MS4A18: variants seen among roughly 807,000 people sequenced by gnomAD.
The protein encoded by MS4A18 is membrane-spanning 4-domains subfamily A member 18.
MS4A18 carries 27 observed loss-of-function variants against 13.1 expected under a neutral mutation model. The ratio of observed to expected loss-of-function variants is 2.06; its 90% confidence interval spans 1.52 to 2.84. The LOEUF (loss-of-function observed/expected upper bound fraction) is 2.84. Ranked by LOEUF, MS4A18 falls within the 30% of genes most tolerant of loss-of-function variation. The probability of loss-of-function intolerance (pLI) is 0.00; values close to 1 mark genes in which losing one functional copy is unlikely to be tolerated. For missense variants in MS4A18, 307 were observed against 196.4 expected, an observed-to-expected ratio of 1.56 and a Z score of -3.37; for synonymous variants, 126 against 76.5, an observed-to-expected ratio of 1.65 and a Z score of -3.38.
At chr11:60,727,643 C>T (rs1853185553), upstream of MS4A18, among the ~76,000 whole-genome samples, 1 of 152,092 alleles carries the variant, frequency 6.6e-6, no homozygotes, top group Non-Finnish European at 1.5e-5. Flanking sequence ...CCTCTGGGGT[C>T]CTGCACACGT....
downstream of MS4A18, among the ~76,000 whole-genome samples, chr11:60,744,791 T>C (rs1853463223): frequency 6.6e-6 from 1 of 152,154 alleles, no homozygotes; most frequent in Non-Finnish European, 1.5e-5. Flanking sequence ...TTAAGTACAA[T>C]GAAATAACAC....
chr11:60,745,006 A>G (rs903519740), downstream of MS4A18, among the ~76,000 whole-genome samples: 1 of 152,232 alleles, frequency 6.6e-6, no homozygotes, highest in Non-Finnish European at 1.5e-5. Flanking sequence ...CCTAGAGAAA[A>G]TAAAACTTAC....
chr11:60,726,757 A>G (rs912871559), upstream of MS4A18, among the ~76,000 whole-genome samples: 6 of 149,954 alleles, frequency 4.0e-5, no homozygotes, highest in African/African-American at 9.9e-5. Flanking sequence ...ATTTTATTTT[A>G]TTTTATTTTA....
upstream of MS4A18, among the ~76,000 whole-genome samples, chr11:60,728,388 GTGTATGTGTGTA>G (rs1258285524): frequency 6.6e-6 from 1 of 150,618 alleles, no homozygotes; most frequent in Non-Finnish European, 1.5e-5. Flanking sequence ...TAGTATCTGT[GTGTATGTGTGTA>G]TGTATGTGTG....
At chr11:60,726,928 G>GC (rs1457213994), upstream of MS4A18, among the ~76,000 whole-genome samples, 1 of 150,520 alleles carries the variant, frequency 6.6e-6, no homozygotes, top group East Asian at 1.9e-4. Flanking sequence ...CCCTCCCCTT[G>GC]CCCCCCAACC....
intron 2 of MS4A18, among the ~76,000 whole-genome samples, chr11:60,734,734 C>T (rs1482960308): frequency 6.6e-6 from 1 of 150,586 alleles, no homozygotes; most frequent in African/African-American, 2.4e-5. Flanking sequence ...AAAAGGAGAT[C>T]TTGGGGTGGC....
Position 60,731,121 on chromosome 11 carries a change from C to T in MS4A18, c.477+1329C>T, listed in dbSNP as rs139064734. ...AAAAAAAAGAAAAAAAGAGGGAAAT[C>T]CTGGTCACAAGCATCAAGTGAGATT... On this transcript the variant is annotated intron_variant, in intron 1 of 5. Coordinates refer to ENST00000529108, the Ensembl canonical transcript of MS4A18. Among the ~76,000 whole-genome samples the T allele has an allele frequency of 5.4e-3, 824 of 152,138 alleles. 11 individuals are homozygous for T. The highest frequency in any genetic ancestry group is 0.018 in the African/African-American group (764 of 41,522).
At chr11:60,729,252 C>G (rs1462149230), upstream of MS4A18, 5 of 660,756 alleles carry the variant, frequency 7.6e-6, no homozygotes, top group Non-Finnish European at 1.4e-5. Flanking sequence ...AGATAAGATG[C>G]ATTATTCATT....
chr11:60,731,941 G>A (rs1458912536), intron 1 of MS4A18, among the ~76,000 whole-genome samples: 1 of 152,116 alleles, frequency 6.6e-6, no homozygotes, highest in African/African-American at 2.4e-5. Flanking sequence ...AATGGGAACA[G>A]GGTTCATTAA....
At chr11:60,727,938 C>T (rs577123897), upstream of MS4A18, among the ~76,000 whole-genome samples, 1 of 152,202 alleles carries the variant, frequency 6.6e-6, no homozygotes, top group Non-Finnish European at 1.5e-5. Flanking sequence ...GGTCTCCCCC[C>T]AAGTGATTCC....
upstream of MS4A18, among the ~76,000 whole-genome samples, chr11:60,725,967 G>A (rs1244219173): frequency 6.6e-6 from 1 of 152,182 alleles, no homozygotes; most frequent in Non-Finnish European, 1.5e-5. Context: ...GGAATGTCAA[G>A]GTCTAATGCA....
chr11:60,738,674 A>T (rs1853376188), intron 3 of MS4A18, among the ~76,000 whole-genome samples: 1 of 152,046 alleles, frequency 6.6e-6, no homozygotes, highest in Non-Finnish European at 1.5e-5. Flanking sequence ...AAGTTGACCC[A>T]TGAGACAAAC....
chr11:60,738,997 G>A (rs1403165796), exon 4 of MS4A18: 4 of 702,828 alleles, frequency 5.7e-6, no homozygotes, highest in South Asian at 3.0e-5. Flanking sequence ...ACTATGTGAC[G>A]GTGAGCATCT....
chr11:60,744,935 T>G (rs1853464449), downstream of MS4A18, among the ~76,000 whole-genome samples: 1 of 152,250 alleles, frequency 6.6e-6, no homozygotes, highest in African/African-American at 2.4e-5. Flanking sequence ...CTTGGCTGAT[T>G]ATTATAAAGC....
At chr11:60,726,719 TTTA>T (rs2134671111), upstream of MS4A18, among the ~76,000 whole-genome samples, 1 of 120,778 alleles carries the variant, frequency 8.3e-6, no homozygotes, top group East Asian at 2.5e-4. Context: ...GGGTAACACT[TTTA>T]TTTTATTTTA....
intron 2 of MS4A18, among the ~76,000 whole-genome samples, chr11:60,735,224 C>T (rs1466428119): frequency 6.6e-6 from 1 of 152,228 alleles, no homozygotes; most frequent in Non-Finnish European, 1.5e-5. Flanking sequence ...TACGTGTCCA[C>T]CACCTAACTT....
chr11:60,743,721 C>T, exon 6 of MS4A18: 1 of 703,022 alleles, frequency 1.4e-6, no homozygotes, highest in South Asian at 1.5e-5. Flanking sequence ...TCAATGCTAC[C>T]ACTGGTCCTG....
chr11:60,727,183 C>G (rs1330228172), upstream of MS4A18, among the ~76,000 whole-genome samples: 1 of 152,124 alleles, frequency 6.6e-6, no homozygotes, highest in Admixed American at 6.5e-5. Context: ...TGGGTTGGTT[C>G]CAAGACTTTG....
chr11:60,744,224 C>G (rs896480110), downstream of MS4A18: 10 of 517,248 alleles, frequency 1.9e-5, no homozygotes, highest in Non-Finnish European at 3.5e-5. Context: ...CTCTCAGTAT[C>G]TTTTAACCTT....
Sources: gnomAD v4.1 joint callset for allele counts (sites outside exome capture counted in the v4.1 genomes callset) on GRCh38, gnomAD v4.1.1 for gene constraint, MANE v1.5 for transcripts, NCBI Gene and HGNC (gene_info 2026-07-23, HGNC 2026-07-21) for gene names.